The following PPARGC1A variants were observed in gnomAD, a reference collection of about 807,000 sequenced individuals.
PPARGC1A encodes peroxisome proliferator-activated receptor gamma coactivator 1-alpha.
Under a neutral mutation model 88.7 loss-of-function variants are expected in PPARGC1A, and 25 were observed. That is an observed-to-expected ratio of 0.28 (90% CI 0.21 to 0.39). The LOEUF is 0.39. Ranked by LOEUF, PPARGC1A falls within the 10% of genes least tolerant of loss-of-function variation. The pLI is 1.00. For missense variants in PPARGC1A, 880 were observed against 968.7 expected (o/e 0.91, Z 1.22); for synonymous variants, 363 against 355.6 (o/e 1.02, Z -0.24).
the PPARGC1A span, among the ~76,000 whole-genome samples, chr4:24,003,960 T>TA: frequency 6.6e-6 from 1 of 152,162 alleles, no homozygotes; most frequent in African/African-American, 2.4e-5. Flanking sequence ...TGTCATTATA[T>TA]AAACAGCAAT....
At chr4:24,031,154 C>T in the PPARGC1A span, among the ~76,000 whole-genome samples, 1 of 152,140 alleles carries the variant, frequency 6.6e-6, no homozygotes, top group Admixed American at 6.5e-5. Flanking sequence ...GAGCTGGGCA[C>T]ACCACAGATG....
chr4:24,089,815 C>T, the PPARGC1A span, among the ~76,000 whole-genome samples: 2,472 of 152,152 alleles, frequency 0.016, 62 homozygotes, highest in Admixed American at 0.064. Flanking sequence ...CGGCCTAGGA[C>T]GCCTTTTTTC....
the PPARGC1A span, among the ~76,000 whole-genome samples, chr4:24,087,515 CATA>C: frequency 1.3e-5 from 2 of 152,198 alleles, no homozygotes; most frequent in Admixed American, 6.5e-5. Context: ...TTGGCCCCTC[CATA>C]ATATCTTCAA....
chr4:23,980,344 G>T, the PPARGC1A span, among the ~76,000 whole-genome samples: 2 of 151,888 alleles, frequency 1.3e-5, no homozygotes, highest in Non-Finnish European at 2.9e-5. Flanking sequence ...GGCACTCAAG[G>T]GTCCTGTCAT....
At chr4:23,798,775 A>G (rs1246053302) in intron 12 of PPARGC1A, among the ~76,000 whole-genome samples, 3 of 152,116 alleles carry the variant, frequency 2.0e-5, no homozygotes, top group South Asian at 2.1e-4. Flanking sequence ...CAGTAAATAG[A>G]AAGACACACA....
upstream of PPARGC1A, among the ~76,000 whole-genome samples, chr4:23,894,995 G>A (rs993571655): frequency 6.6e-6 from 1 of 151,648 alleles, no homozygotes; most frequent in East Asian, 1.9e-4. Context: ...ACTGAACAAG[G>A]CATATTACAT....
the PPARGC1A span, among the ~76,000 whole-genome samples, chr4:23,947,191 AATG>A: frequency 2.0e-5 from 3 of 151,860 alleles, no homozygotes; most frequent in African/African-American, 7.3e-5. Flanking sequence ...TGAAGATGAC[AATG>A]ATGATTCCAC....
At chr4:24,406,374 C>T in the PPARGC1A span, among the ~76,000 whole-genome samples, 414 of 152,238 alleles carry the variant, frequency 2.7e-3, no homozygotes, top group African/African-American at 9.4e-3. Flanking sequence ...GTGCTTCTGG[C>T]GAGGTGTCTT....
At chr4:24,121,835 C>T in the PPARGC1A span, among the ~76,000 whole-genome samples, 12 of 152,258 alleles carry the variant, frequency 7.9e-5, no homozygotes, top group African/African-American at 1.4e-4. Flanking sequence ...ATTTTATCTG[C>T]GGCAGTGGTG....
the PPARGC1A span, among the ~76,000 whole-genome samples, chr4:24,335,237 A>T: frequency 6.6e-6 from 1 of 152,184 alleles, no homozygotes; most frequent in Non-Finnish European, 1.5e-5. Context: ...TACACATAGC[A>T]TGTCATTGAG....
At chr4:24,235,288 T>C in the PPARGC1A span, among the ~76,000 whole-genome samples, 4 of 152,322 alleles carry the variant, frequency 2.6e-5, no homozygotes, top group South Asian at 2.1e-4. Context: ...ATATAGTTTA[T>C]CTTTCACATA....
the PPARGC1A span, among the ~76,000 whole-genome samples, chr4:24,002,535 AAAG>A: frequency 6.6e-6 from 1 of 152,120 alleles, no homozygotes; most frequent in African/African-American, 2.4e-5. Context: ...AAAGGTTTAA[AAAG>A]AAGAATCAAG....
chr4:24,130,124 T>G, the PPARGC1A span, among the ~76,000 whole-genome samples: 28 of 152,268 alleles, frequency 1.8e-4, 2 homozygotes, highest in East Asian at 1.4e-3. Flanking sequence ...GTTGTGCACA[T>G]GTACCCTAAA....
the PPARGC1A span, among the ~76,000 whole-genome samples, chr4:24,339,484 C>G: frequency 2.6e-5 from 4 of 151,892 alleles, no homozygotes; most frequent in Admixed American, 2.6e-4. Context: ...TTTGTTCACA[C>G]TGGTCCCTTA....
the PPARGC1A span, among the ~76,000 whole-genome samples, chr4:24,377,235 TTG>T: frequency 1.3e-5 from 2 of 151,988 alleles, no homozygotes; most frequent in African/African-American, 2.4e-5. Context: ...TTATCACACT[TTG>T]AGTATGCCTA....
At chr4:24,182,312 C>T in the PPARGC1A span, among the ~76,000 whole-genome samples, 3,399 of 152,296 alleles carry the variant, frequency 0.022, 112 homozygotes, top group East Asian at 0.098. Context: ...CATGTCCCTG[C>T]AAAGGATGTG....
the PPARGC1A span, among the ~76,000 whole-genome samples, chr4:24,187,623 T>C: frequency 6.6e-6 from 1 of 152,232 alleles, no homozygotes; most frequent in Non-Finnish European, 1.5e-5. Context: ...TCTGCTGTGA[T>C]CCCTTCAAGA....
the PPARGC1A span, among the ~76,000 whole-genome samples, chr4:24,328,094 CT>C: frequency 2.6e-5 from 4 of 152,172 alleles, no homozygotes; most frequent in South Asian, 2.1e-4. Context: ...GGCCCCACCC[CT>C]ATCTCCCTTC....
At chr4:24,339,173 C>T in the PPARGC1A span, among the ~76,000 whole-genome samples, 1 of 149,064 alleles carries the variant, frequency 6.7e-6, no homozygotes, top group East Asian at 2.0e-4. Context: ...CCTTAGCACA[C>T]TGTCTTCAAG....
Sources: allele counts gnomAD v4.1 joint callset (sites outside exome capture counted in the v4.1 genomes callset), GRCh38; gene constraint gnomAD v4.1.1; transcripts MANE v1.5; gene names NCBI Gene and HGNC (gene_info 2026-07-23, HGNC 2026-07-21).